The following TMEM63B variants were observed in gnomAD, a reference collection of about 807,000 sequenced individuals.
TMEM63B encodes the protein transmembrane protein 63B, also known as mechanosensitive cation channel TMEM63B.
A neutral mutation model predicts 102.6 loss-of-function variants in TMEM63B; 23 were observed. The ratio of observed to expected loss-of-function variants is 0.22; its 90% CI spans 0.16 to 0.32. The LOEUF (loss-of-function observed/expected upper bound fraction) is 0.32, where lower values mean the gene tolerates loss of function less well. Ranked by LOEUF, TMEM63B falls within the 10% of genes least tolerant of loss-of-function variation. The probability of loss-of-function intolerance (pLI) is 1.00; values close to 1 mark genes in which losing one functional copy is unlikely to be tolerated. For missense variants in TMEM63B, 628 were observed against 1,095.9 expected, an observed-to-expected ratio of 0.57 and a Z score of 6.03; for synonymous variants, 444 against 437.0, an observed-to-expected ratio of 1.02 and a Z score of -0.20.
chr6:44,154,671 C>T (rs1767665622), intron 23 of TMEM63B, 21 bp from the exon 24 acceptor site: 2 of 1,505,568 alleles, frequency 1.3e-6, no homozygotes, highest in Admixed American at 2.2e-5. Flanking sequence ...CACCTTGCCC[C>T]CATTTCCTCT....
chr6:44,134,951 C>T, intron 2 of TMEM63B, 66 bp from the exon 3 acceptor site: 1 of 1,588,066 alleles, frequency 6.3e-7, no homozygotes, highest in South Asian at 1.1e-5. Context: ...CCCTCTGCTT[C>T]TGCCCCCTAG....
Position 44,137,888 on chromosome 6 carries a change from C to T in TMEM63B, c.370-592C>T, listed in dbSNP as rs1345063288. On this transcript the variant is annotated intron_variant, in intron 5 of 23. Coordinates refer to ENST00000323267, the MANE Select transcript of TMEM63B (RefSeq NM_018426.3). ...TAATTTTTGTATTTTTAGTAAGAGA[C>T]GGGGTGTCACCATGTTGGCCAGGCT... Among the ~76,000 whole-genome samples, 4 of 152,036 alleles carry T rather than the reference C, an allele frequency of 2.6e-5. No individual in the cohort carries two copies. In the East Asian group the frequency reaches 5.8e-4, roughly 22 times the overall value.
chr6:44,139,267 T>TC (rs1407385649), intron 6 of TMEM63B, among the ~76,000 whole-genome samples, 200 bp from the exon 7 acceptor site: 1 of 149,838 alleles, frequency 6.7e-6, no homozygotes, highest in Non-Finnish European at 1.5e-5. Flanking sequence ...TTTTTCTCCC[T>TC]CCCCCTCTCT....
intron 18 of TMEM63B, among the ~76,000 whole-genome samples, chr6:44,151,107 G>T (rs1231380033): frequency 6.6e-6 from 1 of 152,076 alleles, no homozygotes; most frequent in Non-Finnish European, 1.5e-5. Context: ...GGAGGCTCTT[G>T]ACCTTATAAC....
intron 6 of TMEM63B, chr6:44,138,730 CTG>C: frequency 2.1e-6 from 1 of 467,780 alleles, no homozygotes; most frequent in Non-Finnish European, 3.9e-6. Flanking sequence ...CTGTGACCCC[CTG>C]CCGGCCCCCC....
chr6:44,154,640 A>C (rs1190886755), intron 23 of TMEM63B, 52 bp from the exon 24 acceptor site: 2 of 1,521,104 alleles, frequency 1.3e-6, no homozygotes, highest in Non-Finnish European at 1.8e-6. Context: ...GTGTTCCCGC[A>C]ATCCATGAGG....
chr6:44,137,690 A>ATC (rs1554196291), intron 5 of TMEM63B, among the ~76,000 whole-genome samples: 22 of 143,834 alleles, frequency 1.5e-4, no homozygotes, highest in Non-Finnish European at 2.9e-4. Flanking sequence ...GAGGGGAGAG[A>ATC]TTTTTTTTTT....
chr6:44,135,087 A>T lies in TMEM63B; in HGVS notation c.230A>T (p.Asp77Val). The T allele has an allele frequency of 6.2e-7, 1 of 1,614,244 alleles. No homozygotes were observed. Among genetic ancestry groups the T allele is most frequent in the South Asian group, 1.1e-5 (1 of 91,084 alleles). ...TATGGGCGGCTGGCCTTGGTGACAGATGCAGACAGGTAAGGGTCTGGGACC... is the reference window on the plus strand; with the variant it reads ...TATGGGCGGCTGGCCTTGGTGACAGTTGCAGACAGGTAAGGGTCTGGGACC... ...WDYGRLALVT[D>V]ADRLRRQERD... The change falls in exon 3 of 24, where the codon GAT becomes GTT. Residue 77 changes from aspartate to valine, a missense_variant. This residue lies in a region of TMEM63B where 336 missense variants were observed against 580.3 expected (regional missense o/e 0.58). Coordinates refer to ENST00000323267, the MANE Select transcript of TMEM63B (RefSeq NM_018426.3).
At position 44,130,236 on chromosome 6, in the gene TMEM63B, C is replaced by G. The variant is rs375049383; in HGVS notation, c.-25+2558C>G. On this transcript the variant is annotated intron_variant, in intron 1 of 23. Transcript: ENST00000323267. ...CGAGCCAGGCAGCCTGGGTCCTTAT[C>G]TGGGTCTACCACAGACTGGCTGTGT... Among the ~76,000 whole-genome samples, 24 of 152,294 alleles carry G rather than the reference C, an allele frequency of 1.6e-4. 1 individual carries two copies. Among genetic ancestry groups the G allele is most frequent in the East Asian group, 7.7e-4 (4 of 5,180 alleles).
chr6:44,154,885 G>C lies in TMEM63B; in HGVS notation c.*2G>C. ...ATAGAGAATGAGATTCACCAGTAAG[G>C]GGAGGGAGGGGCCCTGGAGGCCACA... On this transcript the variant is annotated 3_prime_UTR_variant, in exon 24 of 24. Transcript: ENST00000323267. 1 of 1,537,660 alleles carries C rather than the reference G, an allele frequency of 6.5e-7. No individual in the cohort carries two copies. Among genetic ancestry groups the C allele is most frequent in the Non-Finnish European group, 8.7e-7 (1 of 1,143,282 alleles).
intron 1 of TMEM63B, among the ~76,000 whole-genome samples, chr6:44,130,000 A>G (rs534081224): frequency 9.3e-4 from 142 of 152,334 alleles, no homozygotes; most frequent in African/African-American, 3.0e-3. Context: ...CCACCAGACT[A>G]TGGTGCCTGT....
At chr6:44,138,001 G>A (rs1022499226) in intron 5 of TMEM63B, among the ~76,000 whole-genome samples, 1 of 152,128 alleles carries the variant, frequency 6.6e-6, no homozygotes, top group African/African-American at 2.4e-5. Context: ...CACCTGGCCG[G>A]AGGTGGGGAG....
intron 21 of TMEM63B, 39 bp from the exon 22 acceptor site, chr6:44,154,034 C>G: frequency 6.3e-7 from 1 of 1,599,912 alleles, no homozygotes; most frequent in Non-Finnish European, 8.6e-7. Flanking sequence ...GGGAGGCCCA[C>G]AGGAGATAGC....
chr6:44,153,128 T>C (rs1767126002), intron 20 of TMEM63B, among the ~76,000 whole-genome samples: 1 of 152,254 alleles, frequency 6.6e-6, no homozygotes, highest in South Asian at 2.1e-4. Flanking sequence ...ATGGAGATAG[T>C]CTGCTGTATC....
intron 8 of TMEM63B, 138 bp from the exon 9 acceptor site, chr6:44,140,114 C>T (rs1341336121): frequency 1.5e-5 from 10 of 689,632 alleles, no homozygotes; most frequent in South Asian, 5.5e-5. Context: ...GCCTGCCTTG[C>T]GAGGAGTCAG....
rs1421309541 is a variant in TMEM63B at position 44,148,592 on chromosome 6, T to C, written c.1201T>C (p.Ser401Pro). ...GEPRPSSCSE[S>P]LHISNWTVSY... ...GCCACGCCCCTCATCCTGCAGCGAG[T>C]CCCTGCACATCTCCAACTGGACCGT... The change falls in exon 14 of 24, where the codon TCC becomes CCC. Residue 401 changes from serine to proline, a missense_variant. Physicochemically the swap from Ser to Pro is moderately conservative, Grantham distance 74. Around this residue, in one of 6 missense-constraint regions of TMEM63B, gnomAD observed 336 missense variants for 580.3 expected, o/e 0.58. Coordinates refer to ENST00000323267, the MANE Select transcript of TMEM63B (RefSeq NM_018426.3). The surrounding 1 kb of genome is among the most constrained non-coding windows in gnomAD (Gnocchi z 5.1). 3.7e-6 allele frequency: 6 copies of C among 1,613,982 alleles called. No homozygotes were observed. Among genetic ancestry groups the C allele is most frequent in the Non-Finnish European group, 5.1e-6 (6 of 1,180,034 alleles).
At chr6:44,131,188 G>A (rs1042395024) in intron 1 of TMEM63B, among the ~76,000 whole-genome samples, 8 of 152,142 alleles carry the variant, frequency 5.3e-5, no homozygotes, top group Non-Finnish European at 1.0e-4. Context: ...AAAATGCTGG[G>A]ATTACAGGTG....
At chr6:44,153,392 GT>G (rs1767216625) in intron 20 of TMEM63B, among the ~76,000 whole-genome samples, 1 of 152,222 alleles carries the variant, frequency 6.6e-6, no homozygotes, top group African/African-American at 2.4e-5. Flanking sequence ...TAGGGACAGG[GT>G]TAGAGAAAAA....
At chr6:44,136,293 T>C in intron 4 of TMEM63B, 56 bp from the exon 5 acceptor site, 1 of 1,498,698 alleles carries the variant, frequency 6.7e-7, no homozygotes, top group South Asian at 1.1e-5. Flanking sequence ...TCAGCCCAGC[T>C]TCCCGGGGGC....
Sources: gnomAD v4.1 joint callset for allele counts (sites outside exome capture counted in the v4.1 genomes callset) on GRCh38, gnomAD v4.1.1 for gene constraint, gnomAD v4.1.1 regional missense constraint, Gnocchi (gnomAD v3.1) non-coding constraint, MANE v1.5 for transcripts, NCBI Gene and HGNC (gene_info 2026-07-23, HGNC 2026-07-21) for gene names.